SOAT2: variants seen among roughly 807,000 people sequenced by gnomAD.
SOAT2 encodes the protein sterol O-acyltransferase 2, also known as ACAT-2.
SOAT2 carries 87 observed loss-of-function variants against 76.0 expected under a neutral mutation model. The ratio of observed to expected loss-of-function variants is 1.14; its 90% CI spans 0.96 to 1.37. The LOEUF (loss-of-function observed/expected upper bound fraction) is 1.37, where lower values mean the gene tolerates loss of function less well. Ranked by LOEUF, SOAT2 falls within the 40% of genes most tolerant of loss-of-function variation. The pLI, the probability that SOAT2 is intolerant of heterozygous loss-of-function variation, is 0.00. For synonymous variants in SOAT2, 285 were observed against 275.4 expected (o/e 1.03, Z -0.34); for missense variants, 686 against 682.1 (o/e 1.01, Z -0.06).
chr12:53,110,807 G>A (rs954789038), intron 5 of SOAT2, among the ~76,000 whole-genome samples: 1 of 151,902 alleles, frequency 6.6e-6, no homozygotes, highest in Non-Finnish European at 1.5e-5. Context: ...CATTTTTGAA[G>A]ATATTTTTAT....
intron 5 of SOAT2, among the ~76,000 whole-genome samples, chr12:53,107,337 G>A (rs1482231081): frequency 1.3e-5 from 2 of 152,116 alleles, no homozygotes; most frequent in African/African-American, 4.8e-5. Context: ...GGCAGCACCT[G>A]CTGAAACATA....
At chr12:53,117,768 C>G (rs1429596985) in intron 7 of SOAT2, among the ~76,000 whole-genome samples, 2 of 152,100 alleles carry the variant, frequency 1.3e-5, no homozygotes, top group African/African-American at 4.8e-5. Context: ...GCCAGTGTCC[C>G]TCTCCAGTTA....
chr12:53,118,360 C>A lies in SOAT2; in HGVS notation c.789C>A (p.Ile263=), dbSNP rs1592278946. 6.2e-7 allele frequency: 1 copy of A among 1,612,128 alleles called. No individual in the cohort carries two copies. Among genetic ancestry groups the A allele is most frequent in the Non-Finnish European group, 8.5e-7 (1 of 1,178,744 alleles). The change falls in exon 8 of 15, where the codon ATC becomes ATA. Residue 263 remains isoleucine (I), a synonymous_variant. Coordinates refer to ENST00000301466, the MANE Select transcript of SOAT2 (RefSeq NM_003578.4). ...CTCATTCCTCCCCAGGTGAGGGGAT[C>A]CAGGCCCCCAGTTTCTCCAGCTACC... ...GTLRARRGEG[I]QAPSFSSYLY...
chr12:53,113,628 ATTTCTG>A (rs1446283156), intron 5 of SOAT2, among the ~76,000 whole-genome samples: 1 of 152,188 alleles, frequency 6.6e-6, no homozygotes, highest in African/African-American at 2.4e-5. Flanking sequence ...GAGAGTTTTT[ATTTCTG>A]TAACCAGTTA....
chr12:53,122,639 A>G (rs1363313178), intron 12 of SOAT2, among the ~76,000 whole-genome samples: 1 of 151,886 alleles, frequency 6.6e-6, no homozygotes, highest in Admixed American at 6.6e-5. Context: ...CAGAGAGCAC[A>G]GGGTTGGGGG....
rs201335480 is a variant in SOAT2 at position 53,123,164 on chromosome 12, C to A, written c.1320C>A (p.Phe440Leu). The A allele has an allele frequency of 6.2e-6, 10 of 1,614,096 alleles. No individual in the cohort carries two copies. In the East Asian group the frequency reaches 2.2e-4, roughly 36 times the overall value. ...TGGCCCATGAGTATATCTTCTGCTT[C>A]GTCCTGGGGTTCTTCTATCCCGTCA... ...SAVAHEYIFCFVLGFFYPVML... is the reference protein window; with the variant it reads ...SAVAHEYIFCLVLGFFYPVML... The change falls in exon 13 of 15, where the codon TTC (phenylalanine) becomes TTA (leucine). Residue 440 changes from phenylalanine to leucine, a missense_variant. Physicochemically the swap from Phe to Leu is conservative, Grantham distance 22 (BLOSUM62 0). Transcript: ENST00000301466.
In SOAT2 at chr12:53,116,108, G is replaced by T. The variant is rs771704789; in HGVS notation, c.720G>T (p.Leu240=). The stretch of plus-strand genomic sequence containing the variant: ...CCATTCTGCCACAGGTTAGGTTCCT[G>T]ATGAAAAGCTACTCCTTCCTGAGAG... ...CVLVFEQVRF[L]MKSYSFLREA... Residue 240 remains leucine (L), a synonymous_variant, in exon 7 of 15, where the codon CTG becomes CTT. Coordinates refer to ENST00000301466, the MANE Select transcript of SOAT2 (RefSeq NM_003578.4). 3 of 1,614,062 alleles carry T rather than the reference G, an allele frequency of 1.9e-6. No homozygotes were observed. Among genetic ancestry groups the T allele is most frequent in the African/African-American group, 1.3e-5 (1 of 74,926 alleles).
At chr12:53,104,014 A>G (rs1409153014) in intron 1 of SOAT2, 137 bp from the exon 2 acceptor site, 5 of 813,144 alleles carry the variant, frequency 6.1e-6, no homozygotes, top group East Asian at 2.5e-5. Context: ...AGTAGCCCCA[A>G]CCATGATACT....
At position 53,103,618 on chromosome 12, in the gene SOAT2, A is replaced by G. The variant is rs9658625; in HGVS notation, c.41A>G (p.Glu14Gly). 114,933 of 1,545,708 alleles carry G rather than the reference A, an allele frequency of 0.074. 4,893 individuals are homozygous for G. The highest frequency in any genetic ancestry group is 0.19 in the East Asian group (7,636 of 40,868). ...GCCCGTCTGCGTCTGCAGAGGACAG[A>G]AGGGCTGGGAGGGGAGCGGGAGCGC... is the stretch of plus-strand genomic sequence containing the variant. ...GGARLRLQRT[E>G]GLGGERERQP... The change falls in exon 1 of 15, where the codon GAA becomes GGA. Residue 14 changes from glutamate (E) to glycine (G), a missense_variant. Transcript: ENST00000301466.
Position 53,106,098 on chromosome 12 carries a change from A to G in SOAT2, c.443+84A>G. 5 of 887,932 alleles carry G rather than the reference A, an allele frequency of 5.6e-6. No homozygotes were observed. The South Asian group carries it at 7.2e-5, about 13-fold the overall frequency. The allele number at this position is 887,932 out of a possible 1,614,324, so 55.0% of individuals were successfully genotyped here. A position where few individuals can be genotyped will look rare whatever the true frequency, so the allele number is the denominator to read the frequency against. On this transcript the variant is annotated intron_variant, in intron 5 of 14. Coordinates refer to ENST00000301466, the MANE Select transcript of SOAT2 (RefSeq NM_003578.4). ...CAGTGCCCCACCTGCCCTTGGGGCA[A>G]GAGGACACAGGTTCCCCCTTTGGTT...
chr12:53,119,349 C>A, intron 10 of SOAT2, 96 bp downstream of exon 10: 1 of 1,362,184 alleles, frequency 7.3e-7, no homozygotes, highest in South Asian at 1.4e-5. Context: ...TCAACACGTT[C>A]TCCTTCTGAG....
rs1370883297 is a variant in SOAT2 at position 53,105,192 on chromosome 12, A to C, written c.224A>C (p.Tyr75Ser). Residue 75 changes from tyrosine (Y) to serine (S), a missense_variant, in exon 3 of 15, where the codon TAC (tyrosine) becomes TCC (serine). By Grantham distance (144) the Tyr-to-Ser change is moderately radical (BLOSUM62 -2). Transcript: ENST00000301466. ...DRAMREAIQS[Y>S]PSQDKPLPPP... Reference sequence around the variant, plus strand: ...GCCATGCGGGAGGCTATACAATCCTACCCATCACAAGACAAACCTCTGCCC... The same window carrying C: ...GCCATGCGGGAGGCTATACAATCCTCCCCATCACAAGACAAACCTCTGCCC... The C allele has an allele frequency of 1.9e-6, 3 of 1,599,300 alleles. No homozygotes were observed. The South Asian group carries it at 3.4e-5, about 18-fold the overall frequency.
rs1356422575 is a variant in SOAT2 at position 53,103,636 on chromosome 12, G to C, written c.59G>C (p.Arg20Pro). Residue 20 changes from arginine (R) to proline (P), a missense_variant, in exon 1 of 15, where the codon CGG becomes CCG. By Grantham distance (103) the Arg-to-Pro change is moderately radical (BLOSUM62 -2). Transcript: ENST00000301466. ...LQRTEGLGGE[R>P]ERQPCGDGNT... ...AGGACAGAAGGGCTGGGAGGGGAGC[G>C]GGAGCGCCAACCCTGTGGAGATGGT... The C allele has an allele frequency of 6.5e-7, 1 of 1,541,858 alleles. No homozygotes were observed. Among genetic ancestry groups the C allele is most frequent in the African/African-American group, 1.4e-5 (1 of 72,902 alleles).
At chr12:53,108,492 A>G (rs1937968931) in intron 5 of SOAT2, among the ~76,000 whole-genome samples, 2 of 152,244 alleles carry the variant, frequency 1.3e-5, no homozygotes, top group Non-Finnish European at 2.9e-5. Flanking sequence ...AATCAGGTAG[A>G]GAGAAACAAA....
At chr12:53,115,128 G>A (rs964293701) in intron 5 of SOAT2, among the ~76,000 whole-genome samples, 1 of 152,184 alleles carries the variant, frequency 6.6e-6, no homozygotes, top group African/African-American at 2.4e-5. Flanking sequence ...AACATGTGTT[G>A]TATATAGAGT....
chr12:53,105,593 T>C lies in SOAT2; in HGVS notation c.308T>C (p.Val103Ala). The C allele has an allele frequency of 6.2e-7, 1 of 1,611,582 alleles. No homozygotes were observed. The highest frequency in any genetic ancestry group is 8.5e-7 in the Non-Finnish European group (1 of 1,178,680). ...GAGCCATCCCTGGGGAAACAGAAAGTTTTCATCATCCGCAAGTCCCTGCTT... is the reference window on the plus strand; with the variant it reads ...GAGCCATCCCTGGGGAAACAGAAAGCTTTCATCATCCGCAAGTCCCTGCTT... ...TQEPSLGKQK[V>A]FIIRKSLLDE... The change falls in exon 4 of 15, where the codon GTT (valine) becomes GCT (alanine). Residue 103 changes from valine to alanine, a missense_variant. By Grantham distance (64) the Val-to-Ala change is moderately conservative. Transcript: ENST00000301466.
chr12:53,118,959 G>A (rs1938146737), intron 9 of SOAT2, 24 bp downstream of exon 9: 1 of 1,613,866 alleles, frequency 6.2e-7, no homozygotes. Context: ...GTAGAAGGGT[G>A]GACCTGTGAC....
intron 2 of SOAT2, 27 bp from the exon 3 acceptor site, chr12:53,105,080 G>T (rs1337665446): frequency 2.6e-6 from 4 of 1,551,686 alleles, no homozygotes; most frequent in Middle Eastern, 3.3e-4. Context: ...GAGGGACAGT[G>T]GGCTCTACCC....
At chr12:53,117,487 G>A (rs545912833) in intron 7 of SOAT2, among the ~76,000 whole-genome samples, 5 of 152,042 alleles carry the variant, frequency 3.3e-5, no homozygotes, top group Non-Finnish European at 7.4e-5. Flanking sequence ...GGTCAGCAGA[G>A]TAGTCAGAAC....
Sources: gnomAD v4.1 joint callset for allele counts (sites outside exome capture counted in the v4.1 genomes callset) on GRCh38, gnomAD v4.1.1 for gene constraint, MANE v1.5 for transcripts, NCBI Gene and HGNC (gene_info 2026-07-23, HGNC 2026-07-21) for gene names.